SLC44A1: variants seen among roughly 807,000 people sequenced by gnomAD.
SLC44A1 encodes the protein choline transporter-like protein 1.
Under a neutral mutation model 79.3 loss-of-function variants are expected in SLC44A1, and 26 were observed. The observed-to-expected ratio is 0.33, with a 90% CI of 0.24 to 0.46. SLC44A1 has a LOEUF of 0.46. Ranked by LOEUF, SLC44A1 falls within the 20% of genes least tolerant of loss-of-function variation. The pLI, the probability that SLC44A1 is intolerant of heterozygous loss-of-function variation, is 1.00. For synonymous variants in SLC44A1, 263 were observed against 286.2 expected, an observed-to-expected ratio of 0.92 and a Z score of 0.82; for missense variants, 688 against 798.1, an observed-to-expected ratio of 0.86 and a Z score of 1.66.
At chr9:105,376,477 G>A (rs184520452) in intron 13 of SLC44A1, among the ~76,000 whole-genome samples, 17 of 151,658 alleles carry the variant, frequency 1.1e-4, no homozygotes, top group Middle Eastern at 3.4e-3. Context: ...GGGTTTAAGC[G>A]ATTCTCCTGC....
chr9:105,334,051 T>G (rs1324751444), intron 3 of SLC44A1, among the ~76,000 whole-genome samples: 1 of 152,188 alleles, frequency 6.6e-6, no homozygotes, highest in Non-Finnish European at 1.5e-5. Flanking sequence ...AGTAAGAGAA[T>G]GCTTGTTTCT....
At position 105,298,439 on chromosome 9, in the gene SLC44A1, G is replaced by T. The variant is rs184403543; in HGVS notation, c.37-781G>T. Among the ~76,000 whole-genome samples the T allele has an allele frequency of 3.8e-3, 576 of 152,154 alleles. 7 individuals are homozygous for T. The highest frequency in any genetic ancestry group is 2.8e-3 in the Non-Finnish European group (191 of 68,010). On this transcript the variant is annotated intron_variant, in intron 1 of 15. Coordinates refer to ENST00000374720, the MANE Select transcript of SLC44A1 (RefSeq NM_080546.5). Reference sequence around the variant, plus strand: ...ACGATCTTGGCTCACTGCAACCTCCGCCTCTTGAATTCAAGCGGTTCTCCT... The same window carrying T: ...ACGATCTTGGCTCACTGCAACCTCCTCCTCTTGAATTCAAGCGGTTCTCCT...
At chr9:105,321,535 AAG>A (rs1466663494) in intron 3 of SLC44A1, among the ~76,000 whole-genome samples, 1 of 152,196 alleles carries the variant, frequency 6.6e-6, no homozygotes, top group Non-Finnish European at 1.5e-5. Flanking sequence ...ATCATAATAA[AAG>A]AGATAACTAG....
chr9:105,340,263 C>T (rs1000748583), intron 4 of SLC44A1, among the ~76,000 whole-genome samples: 6 of 152,158 alleles, frequency 3.9e-5, no homozygotes, highest in Non-Finnish European at 8.8e-5. Flanking sequence ...ACCTTGAGGA[C>T]ATTATGCGAA....
At chr9:105,344,111 A>G (rs901942156) in intron 4 of SLC44A1, among the ~76,000 whole-genome samples, 2 of 152,232 alleles carry the variant, frequency 1.3e-5, no homozygotes, top group African/African-American at 4.8e-5. Context: ...GAAATCTTTC[A>G]TAATAAAAAC....
chr9:105,352,324 AC>A (rs1174165931), intron 5 of SLC44A1, among the ~76,000 whole-genome samples: 2 of 152,070 alleles, frequency 1.3e-5, no homozygotes, highest in Admixed American at 6.6e-5. Context: ...TGAGATGCAG[AC>A]CCCTGCCTTC....
chr9:105,362,570 G>A (rs1033420711), intron 8 of SLC44A1, among the ~76,000 whole-genome samples: 5 of 151,954 alleles, frequency 3.3e-5, no homozygotes, highest in Admixed American at 1.3e-4. Flanking sequence ...AAGGGAAAAG[G>A]AAAAAAATTC....
intron 2 of SLC44A1, among the ~76,000 whole-genome samples, chr9:105,305,971 T>C (rs1282126807): frequency 6.6e-6 from 1 of 151,994 alleles, no homozygotes. Context: ...AAATTGTCTT[T>C]CTCCACTTAG....
intron 1 of SLC44A1, among the ~76,000 whole-genome samples, chr9:105,266,560 C>T (rs1829966831): frequency 6.6e-6 from 1 of 152,118 alleles, no homozygotes; most frequent in Admixed American, 6.6e-5. Context: ...AATTTATTGA[C>T]AAAGACTATG....
intron 1 of SLC44A1, among the ~76,000 whole-genome samples, chr9:105,265,227 T>C (rs1040398120): frequency 2.6e-5 from 4 of 152,240 alleles, no homozygotes; most frequent in Non-Finnish European, 5.9e-5. Context: ...CATGGCCTTA[T>C]GGAGCCACCA....
At chr9:105,406,839 C>G (rs1437677868) in intron 15 of SLC44A1, among the ~76,000 whole-genome samples, 3 of 151,884 alleles carry the variant, frequency 2.0e-5, no homozygotes, top group African/African-American at 7.3e-5. Flanking sequence ...TAAATATGCT[C>G]AAAGACACAA....
At chr9:105,420,415 T>G (rs937650770) in intron 15 of SLC44A1, among the ~76,000 whole-genome samples, 2 of 152,172 alleles carry the variant, frequency 1.3e-5, no homozygotes, top group African/African-American at 4.8e-5. Flanking sequence ...CCCGGAGACA[T>G]GTGCATGGTG....
In SLC44A1 at chr9:105,394,824, G is replaced by C; in HGVS notation, c.*5768G>C. ...GTTTTTTCTTCCTGCATAAATCACG[G>C]AGGTGTGTTCTGTTTTAGTGTTTTC... On this transcript the variant is annotated 3_prime_UTR_variant, in exon 16 of 16. Coordinates refer to ENST00000374720, the MANE Select transcript of SLC44A1 (RefSeq NM_080546.5). The C allele has an allele frequency of 1.0e-6, 1 of 985,422 alleles. No homozygotes were observed. The highest frequency in any genetic ancestry group is 1.2e-6 in the Non-Finnish European group (1 of 829,938). 61.0% of individuals were successfully genotyped at this position (985,422 alleles called of 1,614,324 possible). A position where few individuals can be genotyped will look rare whatever the true frequency, so the allele number is the denominator to read the frequency against.
Position 105,389,782 on chromosome 9 carries a change from A to G in SLC44A1, c.*726A>G. On this transcript the variant is annotated 3_prime_UTR_variant, in exon 16 of 16. Transcript: ENST00000374720. ...TTTCGTATGCAAACTTTTCCCTTAT[A>G]TTTTGTCTTTCTTTCCTTTTTGACT... 1 of 1,328,922 alleles carries G rather than the reference A, an allele frequency of 7.5e-7. No homozygotes were observed. The highest frequency in any genetic ancestry group is 2.4e-5 in the South Asian group (1 of 41,528). 82.3% of individuals were successfully genotyped at this position (1,328,922 alleles called of 1,614,324 possible). A position where few individuals can be genotyped will look rare whatever the true frequency, so the allele number is the denominator to read the frequency against.
At chr9:105,354,204 C>A (rs542213287) in intron 5 of SLC44A1, among the ~76,000 whole-genome samples, 1 of 150,406 alleles carries the variant, frequency 6.6e-6, no homozygotes, top group Admixed American at 6.6e-5. Flanking sequence ...GCGCCCGCTA[C>A]CACGCCCGGC....
chr9:105,414,830 T>C (rs377362693), intron 15 of SLC44A1, among the ~76,000 whole-genome samples: 148 of 152,030 alleles, frequency 9.7e-4, no homozygotes, highest in African/African-American at 3.3e-3. Flanking sequence ...AAAAAAACCA[T>C]AGGAATAAGA....
chr9:105,398,439 GTTCT>G (rs1424169630), downstream of SLC44A1, among the ~76,000 whole-genome samples: 3 of 152,196 alleles, frequency 2.0e-5, no homozygotes, highest in African/African-American at 4.8e-5. Flanking sequence ...GATCTGGACT[GTTCT>G]TTCTTTTTTT....
intron 14 of SLC44A1, among the ~76,000 whole-genome samples, chr9:105,384,141 T>C (rs1312839912): frequency 6.6e-6 from 1 of 152,214 alleles, no homozygotes; most frequent in Non-Finnish European, 1.5e-5. Context: ...GAGCATATTT[T>C]ATCCAGTTAA....
chr9:105,397,454 C>T (rs1828897793), downstream of SLC44A1: 1 of 580,734 alleles, frequency 1.7e-6, no homozygotes, highest in Admixed American at 6.3e-5. Context: ...GCAAGGGTGC[C>T]CCAGAATTTC....
Sources: gnomAD v4.1 joint callset for allele counts (sites outside exome capture counted in the v4.1 genomes callset) on GRCh38, gnomAD v4.1.1 for gene constraint, MANE v1.5 for transcripts, NCBI Gene and HGNC (gene_info 2026-07-23, HGNC 2026-07-21) for gene names.